Variants in GPR89A observed in about 807,000 individuals in gnomAD.
The protein encoded by GPR89A is golgi pH regulator A.
Under a neutral mutation model 52.0 loss-of-function variants are expected in GPR89A, and 16 were observed. That is an observed-to-expected ratio of 0.31 (90% CI 0.21 to 0.47). The LOEUF (loss-of-function observed/expected upper bound fraction) is 0.47. GPR89A is among the 20% of genes least tolerant of loss of function. The pLI is 1.00. For missense variants in GPR89A, 135 were observed against 449.4 expected (o/e 0.30, Z 6.33); for synonymous variants, 55 against 150.9 (o/e 0.36, Z 4.66).
intron 3 of GPR89A, among the ~76,000 whole-genome samples, chr1:145,621,131 G>T: frequency 6.6e-6 from 1 of 151,526 alleles, no homozygotes; most frequent in South Asian, 2.1e-4. Context: ...CGTGATGCCT[G>T]CCATCTGTAC....
chr1:145,667,529 C>G (rs1402749090), intron 12 of GPR89A, among the ~76,000 whole-genome samples: 80 of 152,208 alleles, frequency 5.3e-4, no homozygotes, highest in African/African-American at 1.8e-3. Flanking sequence ...GTTGCCTGTT[C>G]ACTCTGATGG....
intron 7 of GPR89A, among the ~76,000 whole-genome samples, chr1:145,633,024 G>A (rs1287352802): frequency 4.7e-5 from 7 of 149,314 alleles, no homozygotes; most frequent in Non-Finnish European, 8.9e-5. Flanking sequence ...TGATATATCT[G>A]TTGGTCATGT....
intron 10 of GPR89A, among the ~76,000 whole-genome samples, chr1:145,659,144 G>A (rs1559048376): frequency 6.6e-6 from 1 of 151,864 alleles, no homozygotes; most frequent in African/African-American, 2.4e-5. Context: ...GGGTAGAATT[G>A]CCGTGTCATA....
At chr1:145,647,358 T>C in intron 10 of GPR89A, 91 bp downstream of exon 10, 1 of 1,558,878 alleles carries the variant, frequency 6.4e-7, no homozygotes, top group Non-Finnish European at 8.7e-7. Context: ...TATATTGAAC[T>C]AAATTCCAAA....
chr1:145,652,701 T>C (rs1245666820), intron 10 of GPR89A, among the ~76,000 whole-genome samples: 1 of 121,450 alleles, frequency 8.2e-6, no homozygotes, highest in Admixed American at 8.9e-5. Flanking sequence ...ATTCAACTTC[T>C]TCCTGGTTCA....
intron 1 of GPR89A, among the ~76,000 whole-genome samples, chr1:145,610,734 G>T (rs1553685974): frequency 1.3e-5 from 2 of 152,078 alleles, no homozygotes; most frequent in Non-Finnish European, 2.9e-5. Context: ...CTTGGACCTG[G>T]CACATATTAG....
At chr1:145,643,162 T>A (rs1553692005) in intron 7 of GPR89A, among the ~76,000 whole-genome samples, 1 of 151,344 alleles carries the variant, frequency 6.6e-6, no homozygotes, top group Non-Finnish European at 1.5e-5. Context: ...TTTTTTTGTT[T>A]GTTTGTTTTT....
intron 10 of GPR89A, among the ~76,000 whole-genome samples, chr1:145,649,931 T>C (rs1386070722): frequency 6.6e-6 from 1 of 151,414 alleles, no homozygotes; most frequent in African/African-American, 2.4e-5. Context: ...GTGCTTTTTT[T>C]CCCACCCATA....
Position 145,614,239 on chromosome 1 carries a change from C to T in GPR89A, c.43-1995C>T, listed in dbSNP as rs1369815141. On this transcript the variant is annotated intron_variant, in intron 1 of 13. Coordinates refer to ENST00000313835, the MANE Select transcript of GPR89A (RefSeq NM_001097612.2). The stretch of plus-strand genomic sequence containing the variant: ...TTTAACCCCAAATTAAAACTTCCTT[C>T]GGCTCGGGCATTATCTTCTCCAGAA... 7.9e-5 allele frequency among the ~76,000 whole-genome samples: 12 copies of T among 152,286 alleles called. No homozygotes were observed. In the South Asian group the frequency reaches 1.9e-3, roughly 24 times the overall value.
At chr1:145,635,267 G>A (rs1268301228) in intron 7 of GPR89A, among the ~76,000 whole-genome samples, 2 of 152,156 alleles carry the variant, frequency 1.3e-5, no homozygotes, top group African/African-American at 2.4e-5. Context: ...GTAGCCGGGC[G>A]TGGTGGTGGG....
chr1:145,660,143 C>T (rs1309737720), intron 10 of GPR89A, among the ~76,000 whole-genome samples: 11 of 151,972 alleles, frequency 7.2e-5, no homozygotes, highest in African/African-American at 1.5e-4. Context: ...TCAGAAATCA[C>T]GCCGCATATC....
chr1:145,626,776 C>T (rs1413236168), intron 5 of GPR89A, among the ~76,000 whole-genome samples: 1 of 151,632 alleles, frequency 6.6e-6, no homozygotes, highest in Non-Finnish European at 1.5e-5. Flanking sequence ...ATGGCAAAAC[C>T]CCATCTGTAC....
chr1:145,637,634 G>T (rs1650340972), intron 7 of GPR89A, among the ~76,000 whole-genome samples: 1 of 149,504 alleles, frequency 6.7e-6, no homozygotes, highest in African/African-American at 2.4e-5. Flanking sequence ...GCAGCCAATA[G>T]ATACTAACTC....
Position 145,608,187 on chromosome 1 carries a change from C to T in GPR89A, c.42+12C>T, listed in dbSNP as rs375335937. On this transcript the variant is annotated intron_variant, in intron 1 of 13. Transcript: ENST00000313835. ...TGATTACCTCCCAGGTGAGTCACCG[C>T]CTCCCGCCCCGACACCCGTCCGCCT... 5.0e-6 allele frequency: 8 copies of T among 1,613,712 alleles called. No homozygotes were observed. The highest frequency in any genetic ancestry group is 1.3e-5 in the African/African-American group (1 of 74,848).
intron 7 of GPR89A, among the ~76,000 whole-genome samples, chr1:145,640,021 T>G (rs1246958017): frequency 6.6e-6 from 1 of 151,748 alleles, no homozygotes; most frequent in Non-Finnish European, 1.5e-5. Context: ...AGTTCAAGAC[T>G]AGACCGGCGA....
chr1:145,610,297 T>G (rs1248263627), intron 1 of GPR89A, among the ~76,000 whole-genome samples: 1 of 152,004 alleles, frequency 6.6e-6, no homozygotes, highest in Non-Finnish European at 1.5e-5. Context: ...GTATTCAATC[T>G]TGCTCACCAC....
In GPR89A at chr1:145,623,154, C is replaced by T. The variant is rs782455724; in HGVS notation, c.307C>T (p.Arg103Ter). 24 of 1,612,946 alleles carry T rather than the reference C, an allele frequency of 1.5e-5. No homozygotes were observed. Among genetic ancestry groups the T allele is most frequent in the South Asian group, 4.4e-5 (4 of 91,000 alleles). The stretch of plus-strand genomic sequence containing the variant: ...TGGCTATTTTATTGTGAGCAATATC[C>T]GACTACGTAAGTATTTTACCCTCTC... ...YIGYFIVSNI[R>*]LLHKQRLLFS... is the part of the protein sequence containing the mutation. The change falls in exon 4 of 14, where the codon CGA (arginine) becomes TGA (stop). Residue 103 changes from arginine to a stop codon, truncating the protein, a stop_gained. Coordinates refer to ENST00000313835, the MANE Select transcript of GPR89A (RefSeq NM_001097612.2). LOFTEE classifies it high-confidence loss of function.
chr1:145,609,194 G>C (rs782077972), intron 1 of GPR89A, among the ~76,000 whole-genome samples: 1 of 152,210 alleles, frequency 6.6e-6, no homozygotes, highest in Non-Finnish European at 1.5e-5. Context: ...GCAAATAACA[G>C]AAGCAGTTAC....
At chr1:145,616,816 G>A (rs1486979224) in intron 2 of GPR89A, among the ~76,000 whole-genome samples, 6 of 151,928 alleles carry the variant, frequency 3.9e-5, no homozygotes, top group African/African-American at 9.7e-5. Context: ...TGGTAGGACC[G>A]TGATGGTGAC....
Sources: allele counts gnomAD v4.1 joint callset (sites outside exome capture counted in the v4.1 genomes callset), GRCh38; gene constraint gnomAD v4.1.1; transcripts MANE v1.5; gene names NCBI Gene and HGNC (gene_info 2026-07-23, HGNC 2026-07-21).